LSAMP: variants seen among roughly 807,000 people sequenced by gnomAD.
LSAMP encodes limbic system-associated membrane protein.
LSAMP carries 7 observed loss-of-function variants against 38.6 expected under a neutral mutation model. The ratio of observed to expected loss-of-function variants is 0.18; its 90% CI spans 0.10 to 0.34. The LOEUF (loss-of-function observed/expected upper bound fraction) is 0.34, where lower values mean the gene tolerates loss of function less well. Among genes scored for constraint, LSAMP ranks in the 10% least tolerant of loss-of-function variants. The probability of loss-of-function intolerance (pLI) is 1.00; values close to 1 mark genes in which losing one functional copy is unlikely to be tolerated. For missense variants in LSAMP, 313 were observed against 420.0 expected (o/e 0.75, Z 2.23); for synonymous variants, 154 against 166.8 (o/e 0.92, Z 0.59).
chr3:116,391,302 C>T (rs1166754332), intron 1 of LSAMP, among the ~76,000 whole-genome samples: 1 of 151,918 alleles, frequency 6.6e-6, no homozygotes, highest in African/African-American at 2.4e-5. Context: ...CCCGCCCCCC[C>T]CGTGCCCCAT....
At chr3:115,870,903 T>G (rs966304946) in intron 3 of LSAMP, among the ~76,000 whole-genome samples, 1 of 152,104 alleles carries the variant, frequency 6.6e-6, no homozygotes, top group Non-Finnish European at 1.5e-5. Context: ...CCCAGGCATT[T>G]CTTTTGCTTG....
At chr3:115,876,286 T>TC in intron 3 of LSAMP, among the ~76,000 whole-genome samples, 1 of 149,464 alleles carries the variant, frequency 6.7e-6, no homozygotes, top group Non-Finnish European at 1.5e-5. Context: ...AGCTTTTTTT[T>TC]TTTTTTTTTA....
intron 3 of LSAMP, among the ~76,000 whole-genome samples, chr3:115,895,632 T>G (rs74849320): frequency 6.6e-6 from 1 of 152,038 alleles, no homozygotes; most frequent in Non-Finnish European, 1.5e-5. Context: ...GAGAGTAGTA[T>G]GATGAGGAGG....
chr3:116,152,695 T>A (rs1356102492), intron 1 of LSAMP, among the ~76,000 whole-genome samples: 1 of 152,088 alleles, frequency 6.6e-6, no homozygotes, highest in African/African-American at 2.4e-5. Flanking sequence ...CTTATGGCAG[T>A]AATTGAAATG....
At chr3:115,907,704 T>C (rs1011970492) in intron 3 of LSAMP, among the ~76,000 whole-genome samples, 5 of 152,166 alleles carry the variant, frequency 3.3e-5, no homozygotes, top group Admixed American at 6.6e-5. Flanking sequence ...AATTGAGAAA[T>C]GGTTTATGAG....
chr3:116,265,776 T>A (rs1329802155), intron 1 of LSAMP, among the ~76,000 whole-genome samples: 3 of 152,072 alleles, frequency 2.0e-5, no homozygotes, highest in African/African-American at 7.2e-5. Context: ...CAAGATCCCA[T>A]TAGGATTCTT....
intron 3 of LSAMP, among the ~76,000 whole-genome samples, chr3:115,883,894 GA>G (rs984159655): frequency 5.9e-5 from 9 of 151,724 alleles, no homozygotes; most frequent in African/African-American, 2.2e-4. Flanking sequence ...GAATGGAATA[GA>G]AAAAAATGAA....
chr3:116,013,824 G>A (rs1008337300), intron 3 of LSAMP, among the ~76,000 whole-genome samples: 1 of 152,090 alleles, frequency 6.6e-6, no homozygotes, highest in African/African-American at 2.4e-5. Flanking sequence ...ACATACAGAC[G>A]CTTGCCTGGA....
At chr3:116,382,436 T>C (rs1462356386) in intron 1 of LSAMP, among the ~76,000 whole-genome samples, 4 of 141,000 alleles carry the variant, frequency 2.8e-5, no homozygotes, top group African/African-American at 7.9e-5. Context: ...TTCTCACTCA[T>C]AGGTGGGAAT....
At chr3:116,095,650 G>A (rs1013011437) in intron 1 of LSAMP, among the ~76,000 whole-genome samples, 6 of 152,170 alleles carry the variant, frequency 3.9e-5, no homozygotes, top group Non-Finnish European at 7.4e-5. Flanking sequence ...AAAGAGATAA[G>A]TATTGAGACT....
At chr3:116,230,074 C>G (rs1559792039) in intron 1 of LSAMP, among the ~76,000 whole-genome samples, 2 of 152,118 alleles carry the variant, frequency 1.3e-5, no homozygotes, top group African/African-American at 4.8e-5. Context: ...GAGGCAGAAA[C>G]AGGGGTCCAC....
chr3:115,949,584 T>TA (rs1576247545), intron 3 of LSAMP, among the ~76,000 whole-genome samples: 2 of 151,352 alleles, frequency 1.3e-5, no homozygotes, highest in South Asian at 2.1e-4. Flanking sequence ...GAAACACTAA[T>TA]AAAAAAAATT....
chr3:116,017,956 G>A (rs1940532011), intron 3 of LSAMP, among the ~76,000 whole-genome samples: 2 of 152,076 alleles, frequency 1.3e-5, no homozygotes, highest in African/African-American at 4.8e-5. Flanking sequence ...GCATGGGATT[G>A]GAGCCAACAT....
intron 1 of LSAMP, among the ~76,000 whole-genome samples, chr3:116,118,458 A>C (rs1049523375): frequency 6.6e-6 from 1 of 152,180 alleles, no homozygotes; most frequent in Non-Finnish European, 1.5e-5. Flanking sequence ...CATCTGCCCT[A>C]CAGCTTCCAA....
chr3:116,339,138 A>G (rs2047960313), intron 1 of LSAMP, among the ~76,000 whole-genome samples: 1 of 152,038 alleles, frequency 6.6e-6, no homozygotes, highest in South Asian at 2.1e-4. Flanking sequence ...AGCAGAGGCC[A>G]GGGAATTTAC....
At chr3:116,004,479 T>G (rs1485043693) in intron 3 of LSAMP, among the ~76,000 whole-genome samples, 8 of 126,618 alleles carry the variant, frequency 6.3e-5, no homozygotes, top group Admixed American at 1.6e-4. Flanking sequence ...TACACTATTA[T>G]GCATACATAC....
intron 1 of LSAMP, among the ~76,000 whole-genome samples, chr3:116,301,955 C>T (rs1213020107): frequency 6.6e-6 from 1 of 152,076 alleles, no homozygotes. Flanking sequence ...TTTCCATCAC[C>T]CAGAGCAGCT....
At chr3:115,858,725 T>C (rs1935584854) in intron 3 of LSAMP, among the ~76,000 whole-genome samples, 1 of 152,132 alleles carries the variant, frequency 6.6e-6, no homozygotes, top group Non-Finnish European at 1.5e-5. Flanking sequence ...TGTATATGTG[T>C]GTATATTTGT....
intron 1 of LSAMP, among the ~76,000 whole-genome samples, chr3:116,337,109 C>A (rs2047930005): frequency 6.6e-6 from 1 of 151,782 alleles, no homozygotes; most frequent in South Asian, 2.1e-4. Flanking sequence ...TTATGAGGTA[C>A]TTAGAATAGT....
Sources: allele counts gnomAD v4.1 joint callset (sites outside exome capture counted in the v4.1 genomes callset), GRCh38; gene constraint gnomAD v4.1.1; transcripts MANE v1.5; gene names NCBI Gene and HGNC (gene_info 2026-07-23, HGNC 2026-07-21).